Variants in C6orf132 observed in about 807,000 individuals in gnomAD.
C6orf132 encodes uncharacterized protein C6orf132.
Under a neutral mutation model 65.3 loss-of-function variants are expected in C6orf132, and 43 were observed. The observed-to-expected ratio is 0.66, with a 90% confidence interval of 0.52 to 0.85. The LOEUF (loss-of-function observed/expected upper bound fraction) is 0.85. C6orf132 is among the 40% of genes least tolerant of loss of function. The pLI, the probability that C6orf132 is intolerant of heterozygous loss-of-function variation, is 0.00. For missense variants in C6orf132, 1,488 were observed against 1,548.8 expected (o/e 0.96, Z 0.66); for synonymous variants, 631 against 654.1 (o/e 0.96, Z 0.54).
intron 2 of C6orf132, among the ~76,000 whole-genome samples, chr6:42,125,503 C>T (rs1048940312): frequency 9.2e-5 from 14 of 152,162 alleles, no homozygotes; most frequent in Admixed American, 3.3e-4. Flanking sequence ...TGCCTTTCCC[C>T]GGTTAGCCAG....
intron 2 of C6orf132, among the ~76,000 whole-genome samples, chr6:42,121,869 C>A (rs1236847642): frequency 6.6e-6 from 1 of 152,130 alleles, no homozygotes; most frequent in African/African-American, 2.4e-5. Context: ...CACCCCTGCC[C>A]TAGAGCAAGA....
In C6orf132 at chr6:42,104,729, G is replaced by C; in HGVS notation, c.3183C>G (p.Leu1061=). 1 of 1,527,002 alleles carries C rather than the reference G, an allele frequency of 6.5e-7. No homozygotes were observed. 94.6% of individuals were successfully genotyped at this position (1,527,002 alleles called of 1,614,324 possible). The stretch of plus-strand genomic sequence containing the variant: ...CCCCGACGTACAGGCGCTTCTTTAT[G>C]AGCGAGCGGCCCCCTCCCGAGAAGC... The part of the protein sequence containing the change: ...LERFSGGGRS[L]IKKRLYVGEP... The change falls in exon 4 of 5, where the codon CTC becomes CTG. Residue 1061 remains leucine (L), a synonymous_variant. Transcript: ENST00000341865. This position sits in a 1 kb window ranked among gnomAD's most constrained non-coding sequence, Gnocchi z 4.1.
At chr6:42,131,136 T>C (rs1296691360) in intron 1 of C6orf132, among the ~76,000 whole-genome samples, 1 of 152,226 alleles carries the variant, frequency 6.6e-6, no homozygotes, top group Non-Finnish European at 1.5e-5. Flanking sequence ...TCTACCCACC[T>C]TGGCCTCCCA....
intron 2 of C6orf132, among the ~76,000 whole-genome samples, chr6:42,118,861 C>A: frequency 6.7e-6 from 1 of 148,370 alleles, no homozygotes; most frequent in Non-Finnish European, 1.5e-5. Flanking sequence ...GTTGAAGCAG[C>A]CCTTTAATTT....
At chr6:42,114,614 C>T (rs1766538536) in intron 2 of C6orf132, among the ~76,000 whole-genome samples, 1 of 152,228 alleles carries the variant, frequency 6.6e-6, no homozygotes, top group South Asian at 2.1e-4. Context: ...TTTCAGTGTG[C>T]AAATGCACAG....
At chr6:42,123,127 A>G (rs971573391) in intron 2 of C6orf132, among the ~76,000 whole-genome samples, 2 of 151,902 alleles carry the variant, frequency 1.3e-5, no homozygotes, top group Non-Finnish European at 2.9e-5. Flanking sequence ...CACGCCCGTA[A>G]TCCCAGAACT....
At chr6:42,118,255 C>G (rs1766614843) in intron 2 of C6orf132, among the ~76,000 whole-genome samples, 1 of 152,172 alleles carries the variant, frequency 6.6e-6, no homozygotes, top group African/African-American at 2.4e-5. Flanking sequence ...AAAGGGGCAG[C>G]AGGGTAGAGG....
chr6:42,105,805 A>T lies in C6orf132; in HGVS notation c.2107T>A (p.Ser703Thr). The T allele has an allele frequency of 6.5e-7, 1 of 1,537,058 alleles. No homozygotes were observed. The highest frequency in any genetic ancestry group is 1.2e-5 in the South Asian group (1 of 84,052). The change falls in exon 4 of 5, where the codon TCC becomes ACC. Residue 703 changes from serine to threonine, a missense_variant. By Grantham distance (58) the Ser-to-Thr change is moderately conservative. Coordinates refer to ENST00000341865, the MANE Select transcript of C6orf132 (RefSeq NM_001164446.3). ...GAGTCCTTCTCTGCCATCAGTTGGGATGTGGTGGTGGGCAGAGTTGTGGCT... is the reference window on the plus strand; with the variant it reads ...GAGTCCTTCTCTGCCATCAGTTGGGTTGTGGTGGTGGGCAGAGTTGTGGCT... ...STATTLPTTT[S>T]QLMAEKDSGP...
At chr6:42,138,211 A>G (rs1411833874) in intron 1 of C6orf132, among the ~76,000 whole-genome samples, 1 of 152,156 alleles carries the variant, frequency 6.6e-6, no homozygotes, top group East Asian at 1.9e-4. Context: ...CAGTGGTGCC[A>G]TCATAGCTGA....
rs1041995526 is a variant in C6orf132 at position 42,104,683 on chromosome 6, G to C, written c.3229C>G (p.Leu1077Val). 17 of 1,515,692 alleles carry C rather than the reference G, an allele frequency of 1.1e-5. No individual in the cohort carries two copies. Among genetic ancestry groups the C allele is most frequent in the Non-Finnish European group, 1.5e-5 (17 of 1,138,994 alleles). The allele number at this position is 1,515,692 out of a possible 1,614,324, so 93.9% of individuals were successfully genotyped here. The change falls in exon 4 of 5, where the codon CTA (leucine) becomes GTA (valine). Residue 1077 changes from leucine (L) to valine (V), a missense_variant. Leu to Val is a conservative substitution (Grantham distance 32). Transcript: ENST00000341865. This position sits in a 1 kb window ranked among gnomAD's most constrained non-coding sequence, Gnocchi z 4.1. Reference sequence around the variant, plus strand: ...CTGCGGCCGGTGCCACCGTGGGGTAGCCCTGGGCCTCGGTGCGGCTCCCCG... The same window carrying C: ...CTGCGGCCGGTGCCACCGTGGGGTACCCCTGGGCCTCGGTGCGGCTCCCCG... ...YVGEPHRGPG[L>V]PHGGTGRSLS... is the part of the protein sequence containing the mutation.
At chr6:42,125,663 T>C (rs551051054) in intron 2 of C6orf132, among the ~76,000 whole-genome samples, 1 of 152,222 alleles carries the variant, frequency 6.6e-6, no homozygotes, top group Non-Finnish European at 1.5e-5. Context: ...CCCCATTTCC[T>C]GGGACTGGTT....
Position 42,104,337 on chromosome 6 carries a change from G to A in C6orf132, c.3449+126C>T, listed in dbSNP as rs1766348381. ...CCCGGTAAGTGGGCCTCCCTCCCGC[G>A]TTCTACCTGCAAGGCCGAAGGGAGA... On this transcript the variant is annotated intron_variant, in intron 4 of 4. Transcript: ENST00000341865. The surrounding 1 kb of genome is among the most constrained non-coding windows in gnomAD (Gnocchi z 4.1). 9.8e-6 allele frequency: 12 copies of A among 1,221,322 alleles called. No homozygotes were observed. In the South Asian group the frequency reaches 3.8e-4, roughly 39 times the overall value. The allele number at this position is 1,221,322 out of a possible 1,614,324, so 75.7% of individuals were successfully genotyped here. A position where few individuals can be genotyped will look rare whatever the true frequency, so the allele number is the denominator to read the frequency against.
At chr6:42,133,385 A>G (rs6458273) in intron 1 of C6orf132, among the ~76,000 whole-genome samples, 9,031 of 152,270 alleles carry the variant, frequency 0.059, 912 homozygotes, top group African/African-American at 0.2. Flanking sequence ...TTTCTGGAAA[A>G]GTCCTTCGGG....
rs1324569864 is a variant in C6orf132, at chr6:42,106,525, C to T, written c.1387G>A (p.Asp463Asn). The change falls in exon 4 of 5, where the codon GAC (aspartate) becomes AAC (asparagine). Residue 463 changes from aspartate (D) to asparagine (N), a missense_variant. By Grantham distance (23) the Asp-to-Asn change is conservative. Coordinates refer to ENST00000341865, the MANE Select transcript of C6orf132 (RefSeq NM_001164446.3). ...TASSAPVDWR[D>N]PSQMEKLRNE... ...CGCAGCTTTTCCATCTGGCTGGGGT[C>T]CCTCCAGTCCACAGGTGCTGAAGAC... The T allele has an allele frequency of 2.0e-6, 3 of 1,536,346 alleles. No homozygotes were observed. Among genetic ancestry groups the T allele is most frequent in the South Asian group, 2.4e-5 (2 of 84,038 alleles).
At position 42,106,614 on chromosome 6, in the gene C6orf132, G is replaced by T; in HGVS notation, c.1298C>A (p.Thr433Asn). The change falls in exon 4 of 5, where the codon ACC becomes AAC. Residue 433 changes from threonine to asparagine, a missense_variant. Thr to Asn is a moderately conservative substitution (Grantham distance 65). Transcript: ENST00000341865. ...AAHPPAGFTK[T>N]PKSSSPALKP... ...GAGAGCAGGAGAGCTGGATTTAGGG[G>T]TTTTTGTAAACCCAGCAGGTGGATG... 6.5e-7 allele frequency: 1 copy of T among 1,534,736 alleles called. No homozygotes were observed. The highest frequency in any genetic ancestry group is 2.4e-5 in the East Asian group (1 of 40,822).
chr6:42,107,032 G>T lies in C6orf132; in HGVS notation c.880C>A (p.Pro294Thr). The stretch of plus-strand genomic sequence containing the variant: ...AAAGAACGGGGGAAGGTGAGATGGG[G>T]CTCTGGGTTAGGTCCCAGGGCGCTC... ...KGSALGPNPE[P>T]HLTFPRSFKV... is the part of the protein sequence containing the mutation. The change falls in exon 4 of 5, where the codon CCC (proline) becomes ACC (threonine). Residue 294 changes from proline to threonine, a missense_variant. Physicochemically the swap from Pro to Thr is conservative, Grantham distance 38. Coordinates refer to ENST00000341865, the MANE Select transcript of C6orf132 (RefSeq NM_001164446.3). 1.3e-6 allele frequency: 2 copies of T among 1,529,218 alleles called. No homozygotes were observed. The highest frequency in any genetic ancestry group is 2.4e-5 in the South Asian group (2 of 83,386). 94.7% of individuals were successfully genotyped at this position (1,529,218 alleles called of 1,614,324 possible). A position where few individuals can be genotyped will look rare whatever the true frequency, so the allele number is the denominator to read the frequency against.
At chr6:42,121,406 G>A (rs779305522) in intron 2 of C6orf132, among the ~76,000 whole-genome samples, 11 of 152,228 alleles carry the variant, frequency 7.2e-5, no homozygotes, top group South Asian at 4.1e-4. Flanking sequence ...GAAAACACTC[G>A]CTATTCAAGG....
At chr6:42,132,590 C>G (rs1766871163) in intron 1 of C6orf132, among the ~76,000 whole-genome samples, 3 of 151,190 alleles carry the variant, frequency 2.0e-5, no homozygotes, top group Admixed American at 6.6e-5. Context: ...TGGCTCACAC[C>G]TATAATCCCA....
chr6:42,103,056 A>T lies in C6orf132; in HGVS notation c.*705T>A, dbSNP rs1766320051. The T allele has an allele frequency of 2.5e-6, 1 of 398,674 alleles. No homozygotes were observed. The highest frequency in any genetic ancestry group is 3.6e-5 in the East Asian group (1 of 28,070). The allele number at this position is 398,674 out of a possible 1,614,324, so 24.7% of individuals were successfully genotyped here. Reference sequence around the variant, plus strand: ...CTCTCTCTAGGCCTCCCTGTAGCTAAGGGCTAGGGCCAAGGAAAAATGAAC... The same window carrying T: ...CTCTCTCTAGGCCTCCCTGTAGCTATGGGCTAGGGCCAAGGAAAAATGAAC... On this transcript the variant is annotated 3_prime_UTR_variant, in exon 5 of 5. Transcript: ENST00000341865.
Sources: allele counts gnomAD v4.1 joint callset (sites outside exome capture counted in the v4.1 genomes callset), GRCh38; gene constraint gnomAD v4.1.1; non-coding constraint Gnocchi (gnomAD v3.1); transcripts MANE v1.5; gene names NCBI Gene and HGNC (gene_info 2026-07-23, HGNC 2026-07-21).